Variants in DOCK3 observed in about 807,000 individuals in gnomAD.
DOCK3 encodes dedicator of cytokinesis 3.
Under a neutral mutation model 265.6 loss-of-function variants are expected in DOCK3, and 60 were observed. The ratio of observed to expected loss-of-function variants is 0.23; its 90% CI spans 0.18 to 0.28. The LOEUF is 0.28. DOCK3 is among the 10% of genes least tolerant of loss of function. The pLI is 1.00. For synonymous variants in DOCK3, 881 were observed against 938.0 expected (o/e 0.94, Z 1.11); for missense variants, 1,981 against 2,594.3 (o/e 0.76, Z 5.14).
At chr3:51,213,991 T>A in intron 13 of DOCK3, 131 bp from the exon 14 acceptor site, 1 of 1,199,778 alleles carries the variant, frequency 8.3e-7, no homozygotes, top group Non-Finnish European at 1.2e-6. Context: ...TTATACTGTC[T>A]GCATAAAAGT....
intron 2 of DOCK3, among the ~76,000 whole-genome samples, chr3:50,804,506 G>A (rs2043286456): frequency 6.6e-6 from 1 of 152,192 alleles, no homozygotes; most frequent in African/African-American, 2.4e-5. Flanking sequence ...GGAGGCTGAG[G>A]CTGGCGGATC....
chr3:51,350,515 G>GT, intron 40 of DOCK3, 123 bp downstream of exon 40: 2 of 1,035,136 alleles, frequency 1.9e-6, no homozygotes, highest in Non-Finnish European at 2.8e-6. Flanking sequence ...GGATAAACCA[G>GT]TTAACAACAG....
At chr3:50,963,077 T>A (rs966804002) in intron 5 of DOCK3, among the ~76,000 whole-genome samples, 1 of 152,036 alleles carries the variant, frequency 6.6e-6, no homozygotes, top group Non-Finnish European at 1.5e-5. Context: ...CCCAGCTACA[T>A]GGGAGGCTGA....
At chr3:51,367,673 T>C (rs2087324144) in intron 49 of DOCK3, among the ~76,000 whole-genome samples, 1 of 152,250 alleles carries the variant, frequency 6.6e-6, no homozygotes, top group Admixed American at 6.5e-5. Flanking sequence ...GGAGCTCTTG[T>C]AAGGTAGGCC....
chr3:51,055,870 G>A (rs1377584053), intron 5 of DOCK3, among the ~76,000 whole-genome samples: 1 of 152,170 alleles, frequency 6.6e-6, no homozygotes, highest in African/African-American at 2.4e-5. Context: ...TGTTGTAAGA[G>A]AGGATTAGAG....
chr3:50,975,858 G>T (rs1432752601), intron 5 of DOCK3, among the ~76,000 whole-genome samples: 5 of 150,416 alleles, frequency 3.3e-5, no homozygotes, highest in African/African-American at 9.8e-5. Context: ...ACTTCTTCCT[G>T]GTTTAGTCTT....
chr3:51,194,420 T>G (rs1233262941), intron 12 of DOCK3, among the ~76,000 whole-genome samples: 1 of 152,234 alleles, frequency 6.6e-6, no homozygotes, highest in Non-Finnish European at 1.5e-5. Context: ...TTAGCTCCAT[T>G]GGGTCTAAAG....
intron 4 of DOCK3, among the ~76,000 whole-genome samples, chr3:50,906,224 C>CT (rs1375827989): frequency 6.6e-6 from 1 of 151,888 alleles, no homozygotes. Context: ...CTAAAATTCT[C>CT]TTTTTTTGCT....
At chr3:50,693,972 A>G (rs1027583314) in intron 1 of DOCK3, among the ~76,000 whole-genome samples, 6 of 152,180 alleles carry the variant, frequency 3.9e-5, no homozygotes, top group South Asian at 2.1e-4. Context: ...AAGGTTTGCT[A>G]CATACAAAAT....
At chr3:51,282,188 G>A (rs953625123) in intron 27 of DOCK3, among the ~76,000 whole-genome samples, 1 of 152,190 alleles carries the variant, frequency 6.6e-6, no homozygotes, top group Non-Finnish European at 1.5e-5. Flanking sequence ...GGAATGCTGA[G>A]AGAGGCAAAA....
At chr3:50,812,119 C>A (rs1459277292) in intron 2 of DOCK3, among the ~76,000 whole-genome samples, 1 of 152,132 alleles carries the variant, frequency 6.6e-6, no homozygotes, top group Non-Finnish European at 1.5e-5. Flanking sequence ...ATAGGAGCAA[C>A]CTGTTGGATG....
intron 38 of DOCK3, among the ~76,000 whole-genome samples, chr3:51,348,290 A>G (rs2085733892): frequency 6.6e-6 from 1 of 152,238 alleles, no homozygotes; most frequent in Non-Finnish European, 1.5e-5. Flanking sequence ...ATAGTTCCAT[A>G]AAGGAAATTG....
chr3:50,789,922 T>G (rs1576441004), intron 2 of DOCK3, among the ~76,000 whole-genome samples: 1 of 152,248 alleles, frequency 6.6e-6, no homozygotes, highest in East Asian at 1.9e-4. Context: ...TTAGTAGAGA[T>G]GGGGTTTCGC....
chr3:51,335,789 T>G (rs1176094266), intron 35 of DOCK3, among the ~76,000 whole-genome samples: 1 of 152,116 alleles, frequency 6.6e-6, no homozygotes, highest in Non-Finnish European at 1.5e-5. Flanking sequence ...CTCAGGAGTT[T>G]GAGACCAGCC....
chr3:50,875,287 A>T (rs540173920), intron 3 of DOCK3, among the ~76,000 whole-genome samples: 6 of 152,020 alleles, frequency 3.9e-5, no homozygotes, highest in Admixed American at 1.3e-4. Context: ...GTACCCTTTC[A>T]CTTGTTTCTC....
intron 35 of DOCK3, among the ~76,000 whole-genome samples, chr3:51,337,825 C>G (rs574399583): frequency 1.6e-4 from 25 of 152,282 alleles, no homozygotes; most frequent in African/African-American, 5.8e-4. Context: ...GCTTTAAGCA[C>G]GAGACCTGCT....
chr3:51,180,207 CAAA>C (rs769429969), intron 12 of DOCK3, among the ~76,000 whole-genome samples: 2 of 111,272 alleles, frequency 1.8e-5, no homozygotes, highest in Non-Finnish European at 1.8e-5. Context: ...GACCCTGTCT[CAAA>C]AAAAAAAAAA....
chr3:50,695,632 C>T (rs965893053), intron 1 of DOCK3, among the ~76,000 whole-genome samples: 1 of 152,176 alleles, frequency 6.6e-6, no homozygotes, highest in Non-Finnish European at 1.5e-5. Context: ...GAGCGCTAAG[C>T]ACAAATCTGT....
intron 3 of DOCK3, among the ~76,000 whole-genome samples, chr3:50,873,384 G>A (rs1575414774): frequency 6.6e-6 from 1 of 152,260 alleles, no homozygotes; most frequent in East Asian, 1.9e-4. Context: ...TCTGAGCAGT[G>A]CCTTATCCTG....
Sources: allele counts gnomAD v4.1 joint callset (sites outside exome capture counted in the v4.1 genomes callset), GRCh38; gene constraint gnomAD v4.1.1; transcripts MANE v1.5; gene names NCBI Gene and HGNC (gene_info 2026-07-23, HGNC 2026-07-21).